Variants in RBL2 observed in about 807,000 individuals in gnomAD.
The protein encoded by RBL2 is RB transcriptional corepressor like 2.
A neutral mutation model predicts 126.0 loss-of-function variants in RBL2; 56 were observed. That is an observed-to-expected ratio of 0.44 (90% CI 0.36 to 0.56). RBL2 has a LOEUF of 0.56. Ranked by LOEUF, RBL2 falls within the 20% of genes least tolerant of loss-of-function variation. The pLI is 0.00. For synonymous variants in RBL2, 454 were observed against 478.5 expected, an observed-to-expected ratio of 0.95 and a Z score of 0.67; for missense variants, 1,229 against 1,398.2, an observed-to-expected ratio of 0.88 and a Z score of 1.93.
At chr16:53,444,578 A>G (rs2153139072) in intron 3 of RBL2, among the ~76,000 whole-genome samples, 1 of 149,994 alleles carries the variant, frequency 6.7e-6, no homozygotes, top group East Asian at 2.0e-4. Flanking sequence ...AAATAAATAA[A>G]TAAAATGACA....
intron 4 of RBL2, among the ~76,000 whole-genome samples, 180 bp downstream of exon 4, chr16:53,447,286 T>C (rs2058071348): frequency 6.7e-6 from 1 of 149,388 alleles, no homozygotes; most frequent in South Asian, 2.2e-4. Flanking sequence ...TGGATTTCTT[T>C]ACAATATCCA....
At chr16:53,438,474 C>T (rs2057980491) in intron 1 of RBL2, among the ~76,000 whole-genome samples, 1 of 152,172 alleles carries the variant, frequency 6.6e-6, no homozygotes, top group Admixed American at 6.5e-5. Flanking sequence ...TGAGGGAACG[C>T]AGACCCTTGC....
intron 7 of RBL2, chr16:53,454,197 C>T (rs2058143597): frequency 2.2e-6 from 1 of 452,394 alleles, no homozygotes; most frequent in Non-Finnish European, 4.4e-6. Flanking sequence ...GTGATACTAT[C>T]CAGTTTTTGT....
chr16:53,441,242 G>A (rs774843067), intron 2 of RBL2, among the ~76,000 whole-genome samples: 3 of 152,144 alleles, frequency 2.0e-5, no homozygotes, highest in East Asian at 3.9e-4. Context: ...TTACAGGCAT[G>A]AGCCACTGCG....
chr16:53,475,454 G>A (rs1401982939), intron 17 of RBL2, among the ~76,000 whole-genome samples: 2 of 152,118 alleles, frequency 1.3e-5, no homozygotes, highest in Admixed American at 6.6e-5. Context: ...GGCCTCAAGC[G>A]ATCCATCCAC....
intron 8 of RBL2, among the ~76,000 whole-genome samples, chr16:53,458,745 G>A (rs1290127322): frequency 2.0e-5 from 3 of 152,170 alleles, no homozygotes. Context: ...AGGTGGCGGT[G>A]GCAAGAGAAA....
rs202132605 is a variant in RBL2, at chr16:53,453,501, C to A, written c.816C>A (p.Pro272=). The A allele has an allele frequency of 6.2e-7, 1 of 1,613,286 alleles. No individual in the cohort carries two copies. The highest frequency in any genetic ancestry group is 8.5e-7 in the Non-Finnish European group (1 of 1,179,464). ...AAGATTCTAAACCTTCCTCTGACCC[C>A]CCTTGTATCATTGAGAAACTGTGTT... is the stretch of plus-strand genomic sequence containing the variant. ...HAKDSKPSSD[P]PCIIEKLCSL... Residue 272 remains proline (P), a synonymous_variant, in exon 6 of 22, where the codon CCC becomes CCA. Coordinates refer to ENST00000262133, the MANE Select transcript of RBL2 (RefSeq NM_005611.4).
chr16:53,475,765 T>C (rs1449642353), intron 17 of RBL2, among the ~76,000 whole-genome samples: 1 of 151,618 alleles, frequency 6.6e-6, no homozygotes, highest in Admixed American at 6.6e-5. Context: ...TCTCTTAATA[T>C]CTTTTTTCCC....
intron 8 of RBL2, among the ~76,000 whole-genome samples, chr16:53,456,853 G>T (rs1409828662): frequency 6.6e-6 from 1 of 152,048 alleles, no homozygotes; most frequent in Non-Finnish European, 1.5e-5. Context: ...CAACCCTCAG[G>T]ACTTCTTTTC....
intron 21 of RBL2, 134 bp downstream of exon 21, chr16:53,481,969 G>A (rs1324437568): frequency 3.0e-6 from 3 of 986,212 alleles, no homozygotes; most frequent in African/African-American, 1.7e-5. Flanking sequence ...CAGTCCTCAT[G>A]AAGCAAAACC....
At chr16:53,459,330 G>T in intron 8 of RBL2, 121 bp from the exon 9 acceptor site, 1 of 755,048 alleles carries the variant, frequency 1.3e-6, no homozygotes, top group Non-Finnish European at 2.1e-6. Context: ...TATTGATATT[G>T]TAAAGATAAA....
intron 2 of RBL2, among the ~76,000 whole-genome samples, chr16:53,439,764 A>C (rs1425905978): frequency 6.6e-6 from 1 of 152,066 alleles, no homozygotes; most frequent in Non-Finnish European, 1.5e-5. Context: ...TTTGGGGGAA[A>C]TTACCACTGT....
intron 17 of RBL2, among the ~76,000 whole-genome samples, chr16:53,477,208 C>T (rs533910625): frequency 1.3e-5 from 2 of 152,200 alleles, no homozygotes; most frequent in African/African-American, 4.8e-5. Flanking sequence ...CATAAATGTA[C>T]AACTCCACCA....
chr16:53,472,907 T>C (rs183065354), intron 17 of RBL2, among the ~76,000 whole-genome samples: 1 of 152,334 alleles, frequency 6.6e-6, no homozygotes, highest in African/African-American at 2.4e-5. Flanking sequence ...ATTTCCATTC[T>C]GATTATGTGG....
intron 21 of RBL2, among the ~76,000 whole-genome samples, chr16:53,485,355 TAAATGA>T (rs1362151933): frequency 6.6e-6 from 1 of 152,144 alleles, no homozygotes; most frequent in African/African-American, 2.4e-5. Context: ...TATTTTGAAC[TAAATGA>T]AAATGAAAAT....
chr16:53,449,693 A>T (rs977895934), intron 4 of RBL2: 3 of 151,900 alleles, frequency 2.0e-5, no homozygotes, highest in African/African-American at 7.2e-5. Context: ...GCTTTAATTC[A>T]GTTCTCATTT....
intron 4 of RBL2, chr16:53,448,884 C>T (rs1367811932): frequency 6.6e-6 from 1 of 152,234 alleles, no homozygotes; most frequent in East Asian, 1.9e-4. Flanking sequence ...TTCTTAGTTT[C>T]ATACTGGCTG....
chr16:53,452,092 A>T (rs2058121354), intron 5 of RBL2, among the ~76,000 whole-genome samples: 1 of 152,200 alleles, frequency 6.6e-6, no homozygotes. Context: ...GCATTTAGAA[A>T]CTCAGAGTTG....
intron 21 of RBL2, chr16:53,488,672 A>G (rs1961272871): frequency 6.6e-6 from 1 of 152,246 alleles, no homozygotes; most frequent in East Asian, 1.9e-4. Flanking sequence ...ATCAAATACT[A>G]TACAAGATCA....
Sources: allele counts gnomAD v4.1 joint callset (sites outside exome capture counted in the v4.1 genomes callset), GRCh38; gene constraint gnomAD v4.1.1; transcripts MANE v1.5; gene names NCBI Gene and HGNC (gene_info 2026-07-23, HGNC 2026-07-21).